PLXNA2: variants seen among roughly 807,000 people sequenced by gnomAD.
PLXNA2 encodes the protein plexin-A2.
Under a neutral mutation model 193.5 loss-of-function variants are expected in PLXNA2, and 91 were observed. The ratio of observed to expected loss-of-function variants is 0.47; its 90% CI spans 0.40 to 0.56. The LOEUF (loss-of-function observed/expected upper bound fraction) is 0.56, where lower values mean the gene tolerates loss of function less well. PLXNA2 is among the 20% of genes least tolerant of loss of function. The pLI, the probability that PLXNA2 is intolerant of heterozygous loss-of-function variation, is 0.00. For missense variants in PLXNA2, 1,995 were observed against 2,503.2 expected, an observed-to-expected ratio of 0.80 and a Z score of 4.33; for synonymous variants, 997 against 1,027.3, an observed-to-expected ratio of 0.97 and a Z score of 0.56.
chr1:208,050,015 T>G (rs1243710313), intron 17 of PLXNA2, among the ~76,000 whole-genome samples: 1 of 152,208 alleles, frequency 6.6e-6, no homozygotes, highest in Non-Finnish European at 1.5e-5. Context: ...AAGAGTGAGA[T>G]GGAGCCTAGA....
intron 5 of PLXNA2, 101 bp from the exon 6 acceptor site, chr1:208,099,070 G>C: frequency 7.0e-7 from 1 of 1,428,224 alleles, no homozygotes; most frequent in Non-Finnish European, 9.5e-7. Flanking sequence ...CCTGAGGCCT[G>C]TGTCCTGTCT....
intron 6 of PLXNA2, among the ~76,000 whole-genome samples, chr1:208,097,533 C>T (rs1229765461): frequency 6.6e-6 from 1 of 152,194 alleles, no homozygotes; most frequent in African/African-American, 2.4e-5. Flanking sequence ...TTGATGTCTG[C>T]TATTACCTAT....
At chr1:208,209,808 C>T (rs1194316659) in intron 3 of PLXNA2, among the ~76,000 whole-genome samples, 6 of 152,032 alleles carry the variant, frequency 3.9e-5, no homozygotes, top group Admixed American at 6.6e-5. Flanking sequence ...CAGCACCCAC[C>T]GTTTACCCCA....
chr1:208,194,875 G>T (rs1415325665), intron 3 of PLXNA2, among the ~76,000 whole-genome samples: 2 of 152,164 alleles, frequency 1.3e-5, no homozygotes, highest in African/African-American at 4.8e-5. Flanking sequence ...AGCAAAGCTG[G>T]CTCAAGGTGC....
At position 208,196,624 on chromosome 1, in the gene PLXNA2, A is replaced by T. The variant is rs114149587; in HGVS notation, c.1371+13656T>A. On this transcript the variant is annotated intron_variant, in intron 3 of 31. Transcript: ENST00000367033. ...TTGAATTGGAGAATGGACTCAGTCC[A>T]CCTAAGACCCTGGGTTAACTGAGAA... is the stretch of plus-strand genomic sequence containing the variant. Among the ~76,000 whole-genome samples the T allele has an allele frequency of 7.2e-3, 1,104 of 152,292 alleles. 8 individuals carry two copies. The highest frequency in any genetic ancestry group is 0.011 in the Non-Finnish European group (716 of 68,026).
At chr1:208,084,318 G>A in intron 10 of PLXNA2, 62 bp downstream of exon 10, 1 of 1,550,670 alleles carries the variant, frequency 6.4e-7, no homozygotes, top group Non-Finnish European at 8.9e-7. Context: ...CCATACTGAG[G>A]CCCCAGCACG....
chr1:208,204,093 G>T (rs964054166), intron 3 of PLXNA2, among the ~76,000 whole-genome samples: 4 of 152,194 alleles, frequency 2.6e-5, no homozygotes, highest in African/African-American at 9.7e-5. Flanking sequence ...CTTAGGGAAA[G>T]GCAGAAAGAA....
Position 208,043,079 on chromosome 1 carries a change from G to A in PLXNA2, c.3999C>T (p.Pro1333=), listed in dbSNP as rs943970423. ...RVLFPGIEDH[P]VLRELEVQGN... The stretch of plus-strand genomic sequence containing the variant: ...GCATTACCTCCAGCTCCCGCAGGAC[G>A]GGGTGGTCCTCGATGCCCGGGAACA... The change falls in exon 21 of 32, where the codon CCC becomes CCT. Residue 1333 remains proline (P), a synonymous_variant. Coordinates refer to ENST00000367033, the MANE Select transcript of PLXNA2 (RefSeq NM_025179.4). 3.7e-6 allele frequency: 6 copies of A among 1,613,694 alleles called. No individual in the cohort carries two copies. Among genetic ancestry groups the A allele is most frequent in the Middle Eastern group, 1.7e-4 (1 of 5,790 alleles).
At chr1:208,080,518 C>T (rs1291861335) in intron 11 of PLXNA2, among the ~76,000 whole-genome samples, 2 of 152,130 alleles carry the variant, frequency 1.3e-5, no homozygotes, top group African/African-American at 4.8e-5. Context: ...CTTTCAGGAC[C>T]AGGTGGTATG....
intron 3 of PLXNA2, among the ~76,000 whole-genome samples, chr1:208,146,979 A>G (rs1367639640): frequency 6.6e-6 from 1 of 152,148 alleles, no homozygotes; most frequent in African/African-American, 2.4e-5. Context: ...AACAGAAGAG[A>G]GTGACAGTCT....
intron 3 of PLXNA2, among the ~76,000 whole-genome samples, chr1:208,159,264 G>A (rs1434585697): frequency 3.9e-5 from 6 of 152,146 alleles, no homozygotes; most frequent in African/African-American, 1.4e-4. Flanking sequence ...CTAGGCTGAG[G>A]GTATGCTGAA....
At chr1:208,226,360 C>G (rs750533423) in intron 1 of PLXNA2, among the ~76,000 whole-genome samples, 5 of 151,824 alleles carry the variant, frequency 3.3e-5, no homozygotes, top group Admixed American at 1.3e-4. Flanking sequence ...TTTTTTTTCC[C>G]AGGTCTCCCA....
Position 208,044,818 on chromosome 1 carries a change from G to A in PLXNA2, c.3640-76C>T, listed in dbSNP as rs111975533. ...CCGGGCATGCCAGCAGATCCTTACA[G>A]TGCGAGGAAGGACATGACAGACCAC... On this transcript the variant is annotated intron_variant, in intron 19 of 31. Transcript: ENST00000367033. The surrounding 1 kb of genome is among the most constrained non-coding windows in gnomAD (Gnocchi z 4.9). The A allele has an allele frequency of 1.3e-5, 16 of 1,207,066 alleles. No individual in the cohort carries two copies. The highest frequency in any genetic ancestry group is 9.1e-5 in the African/African-American group (6 of 66,176). 74.8% of individuals were successfully genotyped at this position (1,207,066 alleles called of 1,614,324 possible). A position where few individuals can be genotyped will look rare whatever the true frequency, so the allele number is the denominator to read the frequency against.
chr1:208,043,231 C>T (rs545967538), intron 20 of PLXNA2, 28 bp from the exon 21 acceptor site: 105 of 1,604,280 alleles, frequency 6.5e-5, no homozygotes, highest in Non-Finnish European at 8.4e-5. Context: ...CGGAGAGGCT[C>T]GTGGGGAAGC....
chr1:208,103,377 T>C, intron 4 of PLXNA2, 130 bp from the exon 5 acceptor site: 1 of 660,048 alleles, frequency 1.5e-6, no homozygotes, highest in East Asian at 2.8e-5. Context: ...GGGCGGCAAG[T>C]CATGGCCTCA....
At chr1:208,062,935 T>C (rs375346029) in intron 12 of PLXNA2, among the ~76,000 whole-genome samples, 12 of 152,180 alleles carry the variant, frequency 7.9e-5, no homozygotes, top group African/African-American at 2.7e-4. Flanking sequence ...CCCTTGTTAA[T>C]GAGAAATGGA....
chr1:208,161,889 G>T lies in PLXNA2; in HGVS notation c.1372-19426C>A, dbSNP rs115731363. Among the ~76,000 whole-genome samples the T allele has an allele frequency of 2.3e-3, 353 of 152,314 alleles. 2 individuals are homozygous for T. The highest frequency in any genetic ancestry group is 7.9e-3 in the African/African-American group (329 of 41,564). ...TTACGCGTCAACTACTCTGTGTCAT[G>T]TTTAATGCATTTTCCAGATTGTATT... On this transcript the variant is annotated intron_variant, in intron 3 of 31. Transcript: ENST00000367033.
intron 8 of PLXNA2, among the ~76,000 whole-genome samples, chr1:208,094,845 A>C (rs945772217): frequency 6.6e-6 from 1 of 152,232 alleles, no homozygotes; most frequent in East Asian, 1.9e-4. Flanking sequence ...AATTATGAAA[A>C]TCAAGTTCAG....
chr1:208,207,840 C>A (rs1670785649), intron 3 of PLXNA2, among the ~76,000 whole-genome samples: 1 of 152,102 alleles, frequency 6.6e-6, no homozygotes, highest in Non-Finnish European at 1.5e-5. Context: ...GGGTGAGCTG[C>A]ACAGAGGAGG....
Sources: allele counts gnomAD v4.1 joint callset (sites outside exome capture counted in the v4.1 genomes callset), GRCh38; gene constraint gnomAD v4.1.1; non-coding constraint Gnocchi (gnomAD v3.1); transcripts MANE v1.5; gene names NCBI Gene and HGNC (gene_info 2026-07-23, HGNC 2026-07-21).